MYOCD: variants seen among roughly 807,000 people sequenced by gnomAD.
The protein encoded by MYOCD is myocardin.
Under a neutral mutation model 96.1 loss-of-function variants are expected in MYOCD, and 32 were observed. The ratio of observed to expected loss-of-function variants is 0.33; its 90% CI spans 0.25 to 0.45. The LOEUF (loss-of-function observed/expected upper bound fraction) is 0.45, where lower values mean the gene tolerates loss of function less well. MYOCD is among the 20% of genes least tolerant of loss of function. The pLI is 1.00. For synonymous variants in MYOCD, 469 were observed against 469.0 expected (o/e 1.00, Z 0.00); for missense variants, 1,133 against 1,200.6 (o/e 0.94, Z 0.83).
intron 1 of MYOCD, among the ~76,000 whole-genome samples, chr17:12,687,234 T>C (rs999102495): frequency 6.6e-6 from 1 of 152,166 alleles, no homozygotes; most frequent in Admixed American, 6.5e-5. Flanking sequence ...TTAAAAAAAA[T>C]TTGAAACCAC....
chr17:12,754,035 C>T (rs1453566059), intron 10 of MYOCD, among the ~76,000 whole-genome samples: 1 of 150,754 alleles, frequency 6.6e-6, no homozygotes, highest in Admixed American at 6.7e-5. Flanking sequence ...TAGAAGATGA[C>T]ACATCTTATG....
intron 2 of MYOCD, among the ~76,000 whole-genome samples, chr17:12,714,968 T>C (rs1260804523): frequency 6.6e-6 from 1 of 152,156 alleles, no homozygotes; most frequent in Admixed American, 6.5e-5. Flanking sequence ...TCTCCAAGGT[T>C]CCTTCCAGCC....
rs2032595909 is a variant in MYOCD at position 12,744,251 on chromosome 17, G to A, written c.786G>A (p.Lys262=). 1 of 1,614,196 alleles carries A rather than the reference G, an allele frequency of 6.2e-7. No individual in the cohort carries two copies. Among genetic ancestry groups the A allele is most frequent in the Non-Finnish European group, 8.5e-7 (1 of 1,180,032 alleles). The stretch of plus-strand genomic sequence containing the variant: ...AGGACCCCAAGCCAAAGGTGAAGAA[G>A]CTTAAATATCACCAGTACATTCCCC... ...KPKDPKPKVK[K]LKYHQYIPPD... is the part of the protein sequence containing the mutation. The change falls in exon 8 of 14, where the codon AAG becomes AAA. Residue 262 remains lysine (K), a synonymous_variant. Transcript: ENST00000425538.
chr17:12,671,810 AT>A (rs1010276296), intron 1 of MYOCD: 12 of 152,204 alleles, frequency 7.9e-5, no homozygotes, highest in Non-Finnish European at 1.2e-4. Flanking sequence ...CAGGGTTAGA[AT>A]TTTACATGCT....
rs2033258667 is a variant in MYOCD, at chr17:12,763,792, A to G, written c.*148A>G. On this transcript the variant is annotated 3_prime_UTR_variant, in exon 14 of 14. Coordinates refer to ENST00000425538, the MANE Select transcript of MYOCD (RefSeq NM_001146312.3). ...TTCTGTGCCAATGAACAAGAACAAAAGTCATTTTTAGAAATACATATACTG... is the reference window on the plus strand; with the variant it reads ...TTCTGTGCCAATGAACAAGAACAAAGGTCATTTTTAGAAATACATATACTG... 5 of 699,898 alleles carry G rather than the reference A, an allele frequency of 7.1e-6. No homozygotes were observed. Among genetic ancestry groups the G allele is most frequent in the Admixed American group, 3.3e-5 (1 of 30,242 alleles). 43.4% of individuals were successfully genotyped at this position (699,898 alleles called of 1,614,324 possible). A position where few individuals can be genotyped will look rare whatever the true frequency, so the allele number is the denominator to read the frequency against.
chr17:12,724,442 T>C (rs1369431757), intron 5 of MYOCD, among the ~76,000 whole-genome samples: 1 of 152,158 alleles, frequency 6.6e-6, no homozygotes, highest in Non-Finnish European at 1.5e-5. Context: ...GCTATTTATA[T>C]AGGGAAAAAA....
chr17:12,665,922 C>T lies in MYOCD; in HGVS notation c.-267C>T. The T allele has an allele frequency of 3.9e-6, 2 of 509,998 alleles. No individual in the cohort carries two copies. Among genetic ancestry groups the T allele is most frequent in the Non-Finnish European group, 7.0e-6 (2 of 286,378 alleles). The allele number at this position is 509,998 out of a possible 1,614,324, so 31.6% of individuals were successfully genotyped here. ...GGCAGCCTATGACATCAGACAGGAA[C>T]GCCTGGGATGCCGCGCTGCTCCTGG... On this transcript the variant is annotated 5_prime_UTR_variant, in exon 1 of 14. The change creates a new upstream start codon in the 5' untranslated region. Transcript: ENST00000425538. This position sits in a 1 kb window ranked among gnomAD's most constrained non-coding sequence, Gnocchi z 4.2.
chr17:12,751,266 CAT>C (rs1431912497), intron 9 of MYOCD, among the ~76,000 whole-genome samples: 2 of 151,412 alleles, frequency 1.3e-5, no homozygotes, highest in Admixed American at 6.6e-5. Context: ...CATATGCAAA[CAT>C]AGGTTCAAAT....
Position 12,721,466 on chromosome 17 carries a change from C to T in MYOCD, c.254-1381C>T, listed in dbSNP as rs1488138983. On this transcript the variant is annotated intron_variant, in intron 4 of 13. Coordinates refer to ENST00000425538, the MANE Select transcript of MYOCD (RefSeq NM_001146312.3). Reference sequence around the variant, plus strand: ...CAGGAAGAGTTAGGAAAGCCTTATGCTGGGACCCAAAAGTACGATGTTGGT... The same window carrying T: ...CAGGAAGAGTTAGGAAAGCCTTATGTTGGGACCCAAAAGTACGATGTTGGT... Among the ~76,000 whole-genome samples the T allele has an allele frequency of 2.0e-5, 3 of 152,144 alleles. No homozygotes were observed. The East Asian group carries it at 5.8e-4, about 29-fold the overall frequency.
At chr17:12,691,793 G>A (rs1438918148) in intron 1 of MYOCD, among the ~76,000 whole-genome samples, 1 of 152,180 alleles carries the variant, frequency 6.6e-6, no homozygotes, top group Admixed American at 6.5e-5. Context: ...CAAAATCATG[G>A]TTGGAAATTT....
In MYOCD at chr17:12,745,579, A is replaced by G. The variant is rs186224639; in HGVS notation, c.972-340A>G. On this transcript the variant is annotated intron_variant, in intron 8 of 13. Coordinates refer to ENST00000425538, the MANE Select transcript of MYOCD (RefSeq NM_001146312.3). ...TGTAGATTCCTCCTGTGTCATCCTCAGACTATATACTAGCAATTATGCTGA... is the reference window on the plus strand; with the variant it reads ...TGTAGATTCCTCCTGTGTCATCCTCGGACTATATACTAGCAATTATGCTGA... Among the ~76,000 whole-genome samples, 409 of 152,272 alleles carry G rather than the reference A, an allele frequency of 2.7e-3. 2 individuals carry two copies. The highest frequency in any genetic ancestry group is 3.6e-3 in the Non-Finnish European group (246 of 68,014).
At chr17:12,678,735 A>G (rs111562949) in intron 1 of MYOCD, among the ~76,000 whole-genome samples, 62,414 of 151,760 alleles carry the variant, frequency 0.41, 15,155 homozygotes, top group African/African-American at 0.69. Context: ...TCACTCTGTC[A>G]CCCAGGCTGG....
intron 2 of MYOCD, among the ~76,000 whole-genome samples, chr17:12,713,271 A>G (rs2031535456): frequency 6.6e-6 from 1 of 152,216 alleles, no homozygotes; most frequent in South Asian, 2.1e-4. Flanking sequence ...ATTAACACCA[A>G]GAAGTGATGA....
At chr17:12,740,018 C>T (rs2032459911) in intron 7 of MYOCD, among the ~76,000 whole-genome samples, 1 of 152,112 alleles carries the variant, frequency 6.6e-6, no homozygotes, top group Non-Finnish European at 1.5e-5. Context: ...TCACTGCAAC[C>T]TCCGCCTCCC....
At position 12,697,410 on chromosome 17, in the gene MYOCD, T is replaced by G. The variant is rs972266370; in HGVS notation, c.56-7718T>G. On this transcript the variant is annotated intron_variant, in intron 1 of 13. Transcript: ENST00000425538. ...CGGGGTCTCGCTCTGTCGCCCAGGCTGGAGTGCAGTGGCGCAATCTTGGCT... is the reference window on the plus strand; with the variant it reads ...CGGGGTCTCGCTCTGTCGCCCAGGCGGGAGTGCAGTGGCGCAATCTTGGCT... Among the ~76,000 whole-genome samples, 3 of 140,240 alleles carry G rather than the reference T, an allele frequency of 2.1e-5. No homozygotes were observed. In the Admixed American group the frequency reaches 2.3e-4, roughly 11 times the overall value. The allele number at this position is 140,240 out of a possible 152,430, so 92.0% of individuals were successfully genotyped here.
At chr17:12,733,327 C>G (rs1453816475) in intron 5 of MYOCD, among the ~76,000 whole-genome samples, 1 of 143,180 alleles carries the variant, frequency 7.0e-6, no homozygotes, top group Non-Finnish European at 1.5e-5. Context: ...AAAAAACAAC[C>G]AAATAGTAGA....
In MYOCD at chr17:12,758,366, T is replaced by G. The variant is rs1189053155; in HGVS notation, c.2331+153T>G. 9.6e-6 allele frequency: 11 copies of G among 1,148,820 alleles called. No homozygotes were observed. In the East Asian group the frequency reaches 1.8e-4, roughly 19 times the overall value. 71.2% of individuals were successfully genotyped at this position (1,148,820 alleles called of 1,614,324 possible). A position where few individuals can be genotyped will look rare whatever the true frequency, so the allele number is the denominator to read the frequency against. ...ATAAGCAAATTATCTAGACAATAAT[T>G]GGAAAACAGTGTTGCATGTGTAGCT... On this transcript the variant is annotated intron_variant, in intron 12 of 13. Transcript: ENST00000425538.
intron 9 of MYOCD, among the ~76,000 whole-genome samples, chr17:12,749,641 A>ATATATACACACGTATATATACACATATG (rs2032776133): frequency 3.4e-5 from 5 of 147,764 alleles, no homozygotes; most frequent in Non-Finnish European, 7.4e-5. Context: ...ATACGTGTGT[A>ATATATACACACGTATATATACACATATG]TATATACACA....
chr17:12,716,530 G>C (rs894709661), intron 3 of MYOCD, among the ~76,000 whole-genome samples: 1 of 152,180 alleles, frequency 6.6e-6, no homozygotes, highest in African/African-American at 2.4e-5. Context: ...TGCCCATCCA[G>C]TTCCTGGTGG....
Sources: gnomAD v4.1 joint callset for allele counts (sites outside exome capture counted in the v4.1 genomes callset) on GRCh38, gnomAD v4.1.1 for gene constraint, Gnocchi (gnomAD v3.1) non-coding constraint, MANE v1.5 for transcripts, NCBI Gene and HGNC (gene_info 2026-07-23, HGNC 2026-07-21) for gene names.